GALNT3: variants seen among roughly 807,000 people sequenced by gnomAD.
The protein encoded by GALNT3 is GalNAc transferase 3.
Under a neutral mutation model 69.8 loss-of-function variants are expected in GALNT3, and 51 were observed. The observed-to-expected ratio is 0.73, with a 90% CI of 0.58 to 0.92. The LOEUF is 0.92. Ranked by LOEUF, GALNT3 falls within the 40% of genes least tolerant of loss-of-function variation. The pLI, the probability that GALNT3 is intolerant of heterozygous loss-of-function variation, is 0.00. For synonymous variants in GALNT3, 265 were observed against 248.5 expected (o/e 1.07, Z -0.63); for missense variants, 711 against 760.0 (o/e 0.94, Z 0.76).
intron 1 of GALNT3, among the ~76,000 whole-genome samples, chr2:165,790,354 C>G (rs1033054804): frequency 2.6e-5 from 4 of 152,130 alleles, no homozygotes; most frequent in African/African-American, 9.7e-5. Flanking sequence ...TGTCTCTTGC[C>G]ACTGCTGGAA....
At chr2:165,782,263 C>T (rs1293099127) in intron 1 of GALNT3, among the ~76,000 whole-genome samples, 1 of 152,062 alleles carries the variant, frequency 6.6e-6, no homozygotes, top group Non-Finnish European at 1.5e-5. Flanking sequence ...GGTCCTCTCT[C>T]TATGGGTTAG....
rs768713973 is a variant in GALNT3, at chr2:165,761,898, T to C, written c.838+7A>G. 3.1e-6 allele frequency: 5 copies of C among 1,613,852 alleles called. No individual in the cohort carries two copies. Among genetic ancestry groups the C allele is most frequent in the Admixed American group, 1.7e-5 (1 of 59,988 alleles). On this transcript the variant is annotated splice_region_variant and intron_variant, in intron 4 of 10. Coordinates refer to ENST00000392701, the MANE Select transcript of GALNT3 (RefSeq NM_004482.4). ...TGTTACAACCATATCCATACATATA[T>C]ACTTACAGTGAGCATCTAAAAATGT... is the stretch of plus-strand genomic sequence containing the variant.
intron 9 of GALNT3, among the ~76,000 whole-genome samples, chr2:165,751,316 T>TA (rs1688354005): frequency 1.3e-5 from 2 of 152,136 alleles, no homozygotes; most frequent in African/African-American, 4.8e-5. Context: ...CAGAGCCATA[T>TA]ATCTTGAGTT....
At chr2:165,756,474 C>A (rs1477718423) in intron 7 of GALNT3, among the ~76,000 whole-genome samples, 1 of 152,048 alleles carries the variant, frequency 6.6e-6, no homozygotes, top group Non-Finnish European at 1.5e-5. Flanking sequence ...AGACAGCATG[C>A]GTATTTCATC....
Position 165,758,802 on chromosome 2 carries a change from C to A in GALNT3, c.1136G>T (p.Ser379Ile). 6.2e-7 allele frequency: 1 copy of A among 1,611,590 alleles called. No individual in the cohort carries two copies. Among genetic ancestry groups the A allele is most frequent in the Non-Finnish European group, 8.5e-7 (1 of 1,177,930 alleles). ...ISKEYFEYIG[S>I]YDEEMEIWGG... ...CCAGATTTCCATTTCTTCATCATAG[C>A]TTCCAATATACTCAAAATATTCTTT... The change falls in exon 6 of 11, where the codon AGC (serine) becomes ATC (isoleucine). Residue 379 changes from serine to isoleucine, a missense_variant. By Grantham distance (142) the Ser-to-Ile change is moderately radical. Transcript: ENST00000392701.
At chr2:165,783,292 C>T (rs1683151549) in intron 1 of GALNT3, among the ~76,000 whole-genome samples, 1 of 152,094 alleles carries the variant, frequency 6.6e-6, no homozygotes. Context: ...GGAGGATGGG[C>T]AGGTTGCATT....
At chr2:165,786,296 G>A (rs559888365) in intron 1 of GALNT3, among the ~76,000 whole-genome samples, 79 of 152,284 alleles carry the variant, frequency 5.2e-4, no homozygotes, top group Non-Finnish European at 8.5e-4. Context: ...CTGGGGAGAC[G>A]AGAAAGGAGG....
chr2:165,787,911 G>T (rs780249798), intron 1 of GALNT3, among the ~76,000 whole-genome samples: 14 of 151,956 alleles, frequency 9.2e-5, no homozygotes, highest in Non-Finnish European at 1.8e-4. Flanking sequence ...GAACCAAAAG[G>T]TCCCAAAATA....
chr2:165,759,249 A>T, intron 5 of GALNT3, 87 bp downstream of exon 5: 1 of 1,014,112 alleles, frequency 9.9e-7, no homozygotes, highest in Non-Finnish European at 1.5e-6. Flanking sequence ...ATTACCTCAG[A>T]GGCAATTGCT....
At chr2:165,787,532 T>C (rs1044358916) in intron 1 of GALNT3, among the ~76,000 whole-genome samples, 2 of 152,018 alleles carry the variant, frequency 1.3e-5, no homozygotes, top group African/African-American at 2.4e-5. Flanking sequence ...TGAGCTCAGA[T>C]AGACAAACAG....
chr2:165,752,182 T>C (rs1305633150), intron 9 of GALNT3, among the ~76,000 whole-genome samples: 1 of 152,122 alleles, frequency 6.6e-6, no homozygotes, highest in African/African-American at 2.4e-5. Context: ...CTATCTGCTT[T>C]CTCCATGTAT....
chr2:165,778,465 G>A (rs2105222932), intron 1 of GALNT3, among the ~76,000 whole-genome samples: 1 of 152,338 alleles, frequency 6.6e-6, no homozygotes, highest in Non-Finnish European at 1.5e-5. Flanking sequence ...GGTATTAAAA[G>A]AGGATTGGAG....
Position 165,749,832 on chromosome 2 carries a change from A to G in GALNT3, c.1689T>C (p.His563=), listed in dbSNP as rs370190472. 23 of 1,613,530 alleles carry G rather than the reference A, an allele frequency of 1.4e-5. No individual in the cohort carries two copies. In the African/African-American group the frequency reaches 2.4e-4, roughly 17 times the overall value. Reference sequence around the variant, plus strand: ...TCAGCTGAACGAGACCTTGAGCAGCATGAAGACATAATTCCTTCTGGATGT... The same window carrying G: ...TCAGCTGAACGAGACCTTGAGCAGCGTGAAGACATAATTCCTTCTGGATGT... ...RHNIQKELCL[H]AAQGLVQLKA... Residue 563 remains histidine, a synonymous_variant, in exon 10 of 11, where the codon CAT becomes CAC. Coordinates refer to ENST00000392701, the MANE Select transcript of GALNT3 (RefSeq NM_004482.4).
At chr2:165,780,659 T>C (rs1378989514) in intron 1 of GALNT3, among the ~76,000 whole-genome samples, 2 of 151,836 alleles carry the variant, frequency 1.3e-5, no homozygotes, top group African/African-American at 4.8e-5. Context: ...GTTGTTGTTG[T>C]TGTTGTTGTT....
intron 3 of GALNT3, 29 bp from the exon 4 acceptor site, chr2:165,762,083 C>T (rs771048885): frequency 1.4e-6 from 2 of 1,456,088 alleles, no homozygotes. Flanking sequence ...AGGGTTAATT[C>T]TTTCTAAATG....
chr2:165,764,802 A>C, intron 3 of GALNT3, 82 bp downstream of exon 3: 1 of 1,381,662 alleles, frequency 7.2e-7, no homozygotes, highest in Non-Finnish European at 1.0e-6. Context: ...GATGGCATAC[A>C]GAGAGTACCA....
At position 165,748,696 on chromosome 2, in the gene GALNT3, A is replaced by G; in HGVS notation, c.*85T>C. The G allele has an allele frequency of 1.5e-6, 2 of 1,297,858 alleles. No homozygotes were observed. The highest frequency in any genetic ancestry group is 2.6e-4 in the Middle Eastern group (1 of 3,866). The allele number at this position is 1,297,858 out of a possible 1,614,324, so 80.4% of individuals were successfully genotyped here. A position where few individuals can be genotyped will look rare whatever the true frequency, so the allele number is the denominator to read the frequency against. On this transcript the variant is annotated 3_prime_UTR_variant, in exon 11 of 11. Coordinates refer to ENST00000392701, the MANE Select transcript of GALNT3 (RefSeq NM_004482.4). ...ATAAGTTACATTTAGCTGCTTTTGC[A>G]TAATTTTCAAAAACTACAGTGTATG...
intron 1 of GALNT3, among the ~76,000 whole-genome samples, chr2:165,778,646 G>T (rs1263292715): frequency 6.6e-6 from 1 of 152,144 alleles, no homozygotes; most frequent in African/African-American, 2.4e-5. Flanking sequence ...CCCTAGCTTT[G>T]ACTACCTGGT....
At chr2:165,766,495 A>C (rs1486729274) in intron 2 of GALNT3, among the ~76,000 whole-genome samples, 1 of 152,234 alleles carries the variant, frequency 6.6e-6, no homozygotes, top group Non-Finnish European at 1.5e-5. Context: ...AGAGATGTAG[A>C]GATAACCACA....
Sources: allele counts gnomAD v4.1 joint callset (sites outside exome capture counted in the v4.1 genomes callset), GRCh38; gene constraint gnomAD v4.1.1; transcripts MANE v1.5; gene names NCBI Gene and HGNC (gene_info 2026-07-23, HGNC 2026-07-21).